Variants in BCKDHB observed in about 807,000 individuals in gnomAD.
BCKDHB encodes the protein 2-oxoisovalerate dehydrogenase subunit beta, mitochondrial.
A neutral mutation model predicts 48.5 loss-of-function variants in BCKDHB; 41 were observed. That is an observed-to-expected ratio of 0.85 (90% confidence interval 0.66 to 1.10). The LOEUF is 1.10. Ranked by LOEUF, BCKDHB falls within the 50% of genes least tolerant of loss-of-function variation. The probability of loss-of-function intolerance (pLI) is 0.00; values close to 1 mark genes in which losing one functional copy is unlikely to be tolerated. For missense variants in BCKDHB, 496 were observed against 494.2 expected (o/e 1.00, Z -0.03); for synonymous variants, 201 against 174.8 (o/e 1.15, Z -1.18).
chr6:80,114,983 A>C (rs1186824465), intron 1 of BCKDHB, among the ~76,000 whole-genome samples: 1 of 152,246 alleles, frequency 6.6e-6, no homozygotes, highest in Non-Finnish European at 1.5e-5. Context: ...CTCTAGACCC[A>C]GTCTCTTCAA....
chr6:80,452,207 G>T, the BCKDHB span, among the ~76,000 whole-genome samples: 1 of 152,158 alleles, frequency 6.6e-6, no homozygotes, highest in Non-Finnish European at 1.5e-5. Context: ...ATGTTCCATT[G>T]GCTATAGTGT....
intron 9 of BCKDHB, among the ~76,000 whole-genome samples, chr6:80,302,453 C>CA (rs1767635864): frequency 1.3e-5 from 2 of 152,056 alleles, no homozygotes; most frequent in African/African-American, 4.8e-5. Flanking sequence ...TTTCCTTTTG[C>CA]AAAAGGCTTA....
intron 9 of BCKDHB, among the ~76,000 whole-genome samples, chr6:80,296,683 T>A (rs1767270708): frequency 6.6e-6 from 1 of 152,170 alleles, no homozygotes; most frequent in South Asian, 2.1e-4. Flanking sequence ...ATCAGTGCTA[T>A]GAAAAACCTG....
intron 1 of BCKDHB, among the ~76,000 whole-genome samples, chr6:80,125,196 C>T (rs577795757): frequency 3.2e-4 from 49 of 152,128 alleles, no homozygotes; most frequent in Non-Finnish European, 6.2e-4. Flanking sequence ...GATGGCTTCT[C>T]TTCTTAAACC....
Position 80,210,135 on chromosome 6 carries a change from CAAAAAAAA to C in BCKDHB, c.951+6935_951+6942del, listed in dbSNP as rs61476553. ...GTATGTGTATATGTGAAGAAATATA[CAAAAAAAA>C]AAAAAAAAAAACCAGAAGCGTTCAT... On this transcript the variant is annotated intron_variant, in intron 8 of 9. Coordinates refer to ENST00000320393, the MANE Select transcript of BCKDHB (RefSeq NM_183050.4). 2.7e-5 allele frequency among the ~76,000 whole-genome samples: 3 copies of C among 113,010 alleles called. No individual in the cohort carries two copies. The Admixed American group carries it at 2.7e-4, about 10-fold the overall frequency. 74.1% of individuals were successfully genotyped at this position (113,010 alleles called of 152,430 possible). A position where few individuals can be genotyped will look rare whatever the true frequency, so the allele number is the denominator to read the frequency against.
rs147926591 is a variant in BCKDHB, at chr6:80,179,139, C to T, written c.742+7749C>T. Among the ~76,000 whole-genome samples, 265 of 152,260 alleles carry T rather than the reference C, an allele frequency of 1.7e-3. 1 individual carries two copies. Among genetic ancestry groups the T allele is most frequent in the African/African-American group, 6.0e-3 (251 of 41,540 alleles). Reference sequence around the variant, plus strand: ...CTGGGCTCAGGTGATTCTCCCATCTCAGCCTTTGAAGCAGCTGGGACCACA... The same window carrying T: ...CTGGGCTCAGGTGATTCTCCCATCTTAGCCTTTGAAGCAGCTGGGACCACA... On this transcript the variant is annotated intron_variant, in intron 6 of 9. Transcript: ENST00000320393.
chr6:80,281,544 G>C (rs1778194765), intron 9 of BCKDHB, among the ~76,000 whole-genome samples: 1 of 152,110 alleles, frequency 6.6e-6, no homozygotes, highest in African/African-American at 2.4e-5. Context: ...AGACTGGTGA[G>C]TGAGTAAGTA....
chr6:80,206,837 T>TAAAAAAA (rs955265625), intron 8 of BCKDHB, among the ~76,000 whole-genome samples: 1 of 151,058 alleles, frequency 6.6e-6, no homozygotes, highest in East Asian at 1.9e-4. Context: ...TAACAGTATC[T>TAAAAAAA]AAAAAAAAAT....
At chr6:80,118,038 A>T (rs1459657418) in intron 1 of BCKDHB, among the ~76,000 whole-genome samples, 1 of 152,172 alleles carries the variant, frequency 6.6e-6, no homozygotes, top group Non-Finnish European at 1.5e-5. Context: ...AAATGTATGC[A>T]ATAGGAGAGT....
chr6:80,139,439 C>G (rs1287395599), intron 3 of BCKDHB, among the ~76,000 whole-genome samples: 8 of 152,010 alleles, frequency 5.3e-5, no homozygotes, highest in Admixed American at 5.2e-4. Context: ...GGTTTTAGGT[C>G]TAACATTTAA....
At chr6:80,207,118 T>G (rs1013723617) in intron 8 of BCKDHB, among the ~76,000 whole-genome samples, 1 of 151,982 alleles carries the variant, frequency 6.6e-6, no homozygotes, top group African/African-American at 2.4e-5. Context: ...AGGAAAATGA[T>G]TCTAAAAGAA....
the BCKDHB span, among the ~76,000 whole-genome samples, chr6:80,383,452 A>G: frequency 1.3e-5 from 2 of 152,104 alleles, no homozygotes; most frequent in Admixed American, 1.3e-4. Context: ...AATTACATAT[A>G]TAAAATTTTA....
chr6:80,279,483 G>A (rs190637834), intron 9 of BCKDHB, among the ~76,000 whole-genome samples: 3 of 152,032 alleles, frequency 2.0e-5, no homozygotes, highest in African/African-American at 4.8e-5. Flanking sequence ...TTTGTCTCCA[G>A]CTGTTCACCT....
intron 9 of BCKDHB, among the ~76,000 whole-genome samples, chr6:80,323,418 A>G (rs1269494710): frequency 6.6e-6 from 1 of 152,126 alleles, no homozygotes; most frequent in African/African-American, 2.4e-5. Context: ...ATTTTCTTTT[A>G]ATACATAGAT....
At chr6:80,208,990 G>A (rs1487314423) in intron 8 of BCKDHB, among the ~76,000 whole-genome samples, 3 of 151,842 alleles carry the variant, frequency 2.0e-5, no homozygotes, top group South Asian at 4.2e-4. Flanking sequence ...AATAAATGTA[G>A]AGCACATAAT....
chr6:80,386,208 T>C, the BCKDHB span, among the ~76,000 whole-genome samples: 1 of 151,762 alleles, frequency 6.6e-6, no homozygotes, highest in East Asian at 1.9e-4. Context: ...TTTCTCTAGA[T>C]GTCAGATCTA....
At chr6:80,432,304 A>C in the BCKDHB span, among the ~76,000 whole-genome samples, 1 of 152,032 alleles carries the variant, frequency 6.6e-6, no homozygotes, top group Non-Finnish European at 1.5e-5. Flanking sequence ...CTGCCCATCA[A>C]TTTCAGGTAC....
At chr6:80,120,771 C>G (rs1228865095) in intron 1 of BCKDHB, among the ~76,000 whole-genome samples, 4 of 152,124 alleles carry the variant, frequency 2.6e-5, no homozygotes, top group Non-Finnish European at 5.9e-5. Context: ...AGCCCTTTGT[C>G]AGATGGGTAG....
At chr6:80,269,494 T>C (rs111948545) in intron 8 of BCKDHB, among the ~76,000 whole-genome samples, 19 of 152,226 alleles carry the variant, frequency 1.2e-4, no homozygotes, top group African/African-American at 4.6e-4. Context: ...GGTCCTGATC[T>C]TCAATTGGCT....
Sources: gnomAD v4.1 joint callset for allele counts (sites outside exome capture counted in the v4.1 genomes callset) on GRCh38, gnomAD v4.1.1 for gene constraint, MANE v1.5 for transcripts, NCBI Gene and HGNC (gene_info 2026-07-23, HGNC 2026-07-21) for gene names.